CRYZ: variants seen among roughly 807,000 people sequenced by gnomAD.
CRYZ encodes crystallin zeta, also known as zeta-crystallin.
In CRYZ, 35 loss-of-function variants were observed where a neutral mutation model predicts 34.1. That is an observed-to-expected ratio of 1.03 (90% CI 0.78 to 1.36). CRYZ has a LOEUF of 1.36. Among genes scored for constraint, CRYZ ranks in the 40% most tolerant of loss-of-function variants. CRYZ has a pLI of 0.00. For synonymous variants in CRYZ, 137 were observed against 136.5 expected (o/e 1.00, Z -0.03); for missense variants, 403 against 391.8 (o/e 1.03, Z -0.24).
At chr1:74,719,508 T>G in intron 3 of CRYZ, 136 bp from the exon 4 acceptor site, 1 of 773,750 alleles carries the variant, frequency 1.3e-6, no homozygotes, top group East Asian at 2.8e-5. Flanking sequence ...TAATTTTTTT[T>G]TTTTTGAGAC....
chr1:74,724,537 A>G (rs61543507), intron 2 of CRYZ, among the ~76,000 whole-genome samples, 174 bp downstream of exon 2: 7,582 of 152,206 alleles, frequency 0.05, 375 homozygotes, highest in African/African-American at 0.13. Flanking sequence ...CATCTACTTC[A>G]CTAATTATCA....
chr1:74,722,575 T>C (rs1052252361), intron 3 of CRYZ, among the ~76,000 whole-genome samples: 2 of 148,438 alleles, frequency 1.3e-5, no homozygotes, highest in African/African-American at 4.9e-5. Context: ...ATGAGCTTAC[T>C]ATGAATATGT....
At chr1:74,728,229 CAG>C (rs1647488604) in intron 1 of CRYZ, among the ~76,000 whole-genome samples, 1 of 152,144 alleles carries the variant, frequency 6.6e-6, no homozygotes, top group South Asian at 2.1e-4. Context: ...AAACTAAAAA[CAG>C]TGCACCATAT....
chr1:74,717,502 C>T (rs1408014714), intron 4 of CRYZ, among the ~76,000 whole-genome samples: 1 of 152,164 alleles, frequency 6.6e-6, no homozygotes, highest in Non-Finnish European at 1.5e-5. Flanking sequence ...TCCTTAGTAT[C>T]AATATCAATT....
intron 4 of CRYZ, among the ~76,000 whole-genome samples, chr1:74,715,602 C>T (rs1428934898): frequency 6.6e-6 from 1 of 152,184 alleles, no homozygotes; most frequent in African/African-American, 2.4e-5. Flanking sequence ...TTGCTTAGAG[C>T]TGAAGGGACT....
intron 5 of CRYZ, among the ~76,000 whole-genome samples, chr1:74,711,262 G>T (rs1435765182): frequency 1.3e-5 from 2 of 152,190 alleles, no homozygotes; most frequent in Non-Finnish European, 2.9e-5. Flanking sequence ...CTTAAGCCAG[G>T]AAATGATCTG....
rs1375174461 is a variant in CRYZ at position 74,710,205 on chromosome 1, T to C, written c.523A>G (p.Lys175Glu). 2 of 1,613,736 alleles carry C rather than the reference T, an allele frequency of 1.2e-6. No homozygotes were observed. The highest frequency in any genetic ancestry group is 2.7e-5 in the African/African-American group (2 of 74,906). Residue 175 changes from lysine (K) to glutamate (E), a missense_variant, in exon 6 of 9, where the codon AAG (lysine) becomes GAG (glutamate). Transcript: ENST00000340866. ...ACQIARAYGL[K>E]ILGTAGTEEG... The stretch of plus-strand genomic sequence containing the variant: ...TCAGTACCAGCAGTGCCCAAAATCT[T>C]TAAGCCATAAGCTCTAGCAATTTGG...
Position 74,706,203 on chromosome 1 carries a change from A to G in CRYZ, c.*93T>C, listed in dbSNP as rs1294182735. 9.3e-7 allele frequency: 1 copy of G among 1,078,856 alleles called. No homozygotes were observed. The highest frequency in any genetic ancestry group is 1.6e-5 in the African/African-American group (1 of 63,022). 66.8% of individuals were successfully genotyped at this position (1,078,856 alleles called of 1,614,324 possible). On this transcript the variant is annotated 3_prime_UTR_variant, in exon 9 of 9. Transcript: ENST00000340866. Reference sequence around the variant, plus strand: ...TTTTTTCACATAAGAAGCTCATGGAATCGAATGTTAATTAAAGAAAAGATA... The same window carrying G: ...TTTTTTCACATAAGAAGCTCATGGAGTCGAATGTTAATTAAAGAAAAGATA...
chr1:74,706,217 A>G lies in CRYZ; in HGVS notation c.*79T>C. 2 of 1,208,988 alleles carry G rather than the reference A, an allele frequency of 1.7e-6. No individual in the cohort carries two copies. The highest frequency in any genetic ancestry group is 2.2e-6 in the Non-Finnish European group (2 of 891,410). The allele number at this position is 1,208,988 out of a possible 1,614,324, so 74.9% of individuals were successfully genotyped here. On this transcript the variant is annotated 3_prime_UTR_variant, in exon 9 of 9. Transcript: ENST00000340866. ...AAGCTCATGGAATCGAATGTTAATT[A>G]AAGAAAAGATAGGGTAAGTACAACT... is the stretch of plus-strand genomic sequence containing the variant.
intron 1 of CRYZ, among the ~76,000 whole-genome samples, chr1:74,726,342 C>G (rs1263165033): frequency 6.6e-6 from 1 of 152,214 alleles, no homozygotes; most frequent in East Asian, 1.9e-4. Context: ...CAATTCTTGA[C>G]TCTTGTGCAC....
chr1:74,719,560 A>C (rs1347974929), intron 3 of CRYZ, among the ~76,000 whole-genome samples, 188 bp from the exon 4 acceptor site: 1 of 151,488 alleles, frequency 6.6e-6, no homozygotes, highest in Non-Finnish European at 1.5e-5. Flanking sequence ...CAATGGCATG[A>C]TCTCAGCTCA....
intron 6 of CRYZ, 150 bp downstream of exon 6, chr1:74,709,948 A>ATAT (rs1557722064): frequency 4.8e-6 from 3 of 618,894 alleles, no homozygotes; most frequent in Non-Finnish European, 8.3e-6. Context: ...TGTTTTTTAA[A>ATAT]TAAAGTTTTA....
chr1:74,718,998 G>A (rs761520926), intron 4 of CRYZ, among the ~76,000 whole-genome samples: 1 of 152,072 alleles, frequency 6.6e-6, no homozygotes, highest in African/African-American at 2.4e-5. Flanking sequence ...ACTAGACTGT[G>A]AGCATCTTGA....
At chr1:74,730,674 C>G (rs1164955459) in intron 1 of CRYZ, among the ~76,000 whole-genome samples, 1 of 152,178 alleles carries the variant, frequency 6.6e-6, no homozygotes, top group South Asian at 2.1e-4. Flanking sequence ...CAGGGTCACA[C>G]AGAAGCAAAG....
At chr1:74,726,365 C>T (rs998742107) in intron 1 of CRYZ, among the ~76,000 whole-genome samples, 3 of 152,226 alleles carry the variant, frequency 2.0e-5, no homozygotes, top group African/African-American at 7.2e-5. Flanking sequence ...GCAGGCCCAA[C>T]ACAACATGAA....
At chr1:74,728,441 C>T (rs557443497) in intron 1 of CRYZ, among the ~76,000 whole-genome samples, 1 of 152,336 alleles carries the variant, frequency 6.6e-6, no homozygotes, top group Non-Finnish European at 1.5e-5. Context: ...ATAATTTTAT[C>T]TGTGGGTTAT....
chr1:74,716,199 T>C (rs547634175), intron 4 of CRYZ, among the ~76,000 whole-genome samples: 2,243 of 150,092 alleles, frequency 0.015, 54 homozygotes, highest in African/African-American at 0.051. Flanking sequence ...TGTGTGCGCG[T>C]GTGTGTGTGT....
At chr1:74,719,176 A>T in intron 4 of CRYZ, 33 bp downstream of exon 4, 2 of 1,604,344 alleles carry the variant, frequency 1.2e-6, no homozygotes, top group Non-Finnish European at 1.7e-6. Flanking sequence ...CTCTTTTGGC[A>T]TTGGCCATAA....
rs545176858 is a variant in CRYZ, at chr1:74,729,560, G to A, written c.-14+3396C>T. Among the ~76,000 whole-genome samples, 9 of 150,144 alleles carry A rather than the reference G, an allele frequency of 6.0e-5. No homozygotes were observed. In the East Asian group the frequency reaches 1.8e-3, roughly 29 times the overall value. ...CTCAGAAGGCTGAGGTGGGAGGATT[G>A]CTTGAGCCCAGGAGATCAGGATGCA... On this transcript the variant is annotated intron_variant, in intron 1 of 8. Transcript: ENST00000340866.
Sources: gnomAD v4.1 joint callset for allele counts (sites outside exome capture counted in the v4.1 genomes callset) on GRCh38, gnomAD v4.1.1 for gene constraint, MANE v1.5 for transcripts, NCBI Gene and HGNC (gene_info 2026-07-23, HGNC 2026-07-21) for gene names.